SLC26A7: variants seen among roughly 807,000 people sequenced by gnomAD.
The protein encoded by SLC26A7 is anion exchange transporter.
In SLC26A7, 59 loss-of-function variants were observed where a neutral mutation model predicts 82.5. The observed-to-expected ratio is 0.72, with a 90% CI of 0.58 to 0.89. SLC26A7 has a LOEUF of 0.89. SLC26A7 is among the 40% of genes least tolerant of loss of function. SLC26A7 has a pLI of 0.00. For missense variants in SLC26A7, 820 were observed against 793.0 expected (o/e 1.03, Z -0.41); for synonymous variants, 271 against 274.3 (o/e 0.99, Z 0.12).
At chr8:91,212,729 C>T (rs887581333) in intron 1 of SLC26A7, among the ~76,000 whole-genome samples, 8 of 151,942 alleles carry the variant, frequency 5.3e-5, no homozygotes, top group African/African-American at 1.4e-4. Flanking sequence ...ACATTTATGC[C>T]GTGGTTAGTC....
In SLC26A7 at chr8:91,397,057, A is replaced by T. The variant is rs1410538680; in HGVS notation, c.*1960A>T. ...TTTTTATAGTTTGTTGATAAAGTGG[A>T]CACAGTATTGTCTGAGCAGTTATAT... is the stretch of plus-strand genomic sequence containing the variant. On this transcript the variant is annotated 3_prime_UTR_variant, in exon 19 of 19. Transcript: ENST00000276609. The T allele has an allele frequency of 6.6e-6, 1 of 152,092 alleles. No homozygotes were observed. The highest frequency in any genetic ancestry group is 1.5e-5 in the Non-Finnish European group (1 of 67,932). The allele number at this position is 152,092 out of a possible 1,614,324, so 9.4% of individuals were successfully genotyped here.
chr8:91,240,478 A>G (rs1810458863), intron 2 of SLC26A7, among the ~76,000 whole-genome samples: 1 of 152,180 alleles, frequency 6.6e-6, no homozygotes, highest in South Asian at 2.1e-4. Flanking sequence ...AAAATTTTGC[A>G]TTTTCAACAA....
chr8:91,390,592 G>C (rs1290064550), intron 16 of SLC26A7, among the ~76,000 whole-genome samples: 1 of 151,982 alleles, frequency 6.6e-6, no homozygotes, highest in African/African-American at 2.4e-5. Context: ...CTCATCTTCA[G>C]GTGTTTACTT....
chr8:91,271,250 C>T (rs1054588558), intron 2 of SLC26A7, among the ~76,000 whole-genome samples: 1 of 152,068 alleles, frequency 6.6e-6, no homozygotes, highest in Non-Finnish European at 1.5e-5. Context: ...TTTTATAGCA[C>T]TAAATAATTT....
chr8:91,266,068 G>C (rs1033511118), intron 2 of SLC26A7, among the ~76,000 whole-genome samples: 4 of 151,678 alleles, frequency 2.6e-5, no homozygotes, highest in Non-Finnish European at 1.5e-5. Context: ...ACGTAGTTTT[G>C]GGTATTACAT....
intron 5 of SLC26A7, among the ~76,000 whole-genome samples, chr8:91,327,649 G>A (rs1812969299): frequency 6.6e-6 from 1 of 152,064 alleles, no homozygotes; most frequent in South Asian, 2.1e-4. Flanking sequence ...ATAATTTATT[G>A]GGAATTAAGA....
At chr8:91,350,439 G>GA (rs34775851) in intron 9 of SLC26A7, among the ~76,000 whole-genome samples, 10 of 148,394 alleles carry the variant, frequency 6.7e-5, no homozygotes, top group South Asian at 4.3e-4. Context: ...CACTTTTTTT[G>GA]AAAAAAAAAT....
At chr8:91,352,782 G>A (rs937916536) in intron 10 of SLC26A7, 119 bp from the exon 11 acceptor site, 32 of 654,154 alleles carry the variant, frequency 4.9e-5, no homozygotes, top group East Asian at 2.6e-4. Context: ...TCTTCTAATC[G>A]GTGATTGCTT....
intron 11 of SLC26A7, among the ~76,000 whole-genome samples, chr8:91,358,820 C>G (rs909090531): frequency 3.3e-5 from 5 of 152,102 alleles, no homozygotes; most frequent in Non-Finnish European, 7.3e-5. Context: ...TCGCAGCAAA[C>G]TATCACAAGG....
chr8:91,269,433 C>A (rs1325505909), intron 2 of SLC26A7, among the ~76,000 whole-genome samples: 2 of 151,968 alleles, frequency 1.3e-5, no homozygotes, highest in Non-Finnish European at 2.9e-5. Flanking sequence ...TCCCTTAGCA[C>A]TTTGAATATA....
chr8:91,313,199 C>T (rs1383506521), intron 4 of SLC26A7, among the ~76,000 whole-genome samples: 1 of 152,068 alleles, frequency 6.6e-6, no homozygotes. Context: ...CATTCATTTG[C>T]TTGTGGATAT....
chr8:91,338,019 CTG>C (rs1813292630), intron 6 of SLC26A7, 129 bp from the exon 7 acceptor site: 4 of 485,584 alleles, frequency 8.2e-6, no homozygotes, highest in Admixed American at 4.2e-5. Flanking sequence ...TTTTGAAAGT[CTG>C]TGCAACTGCT....
chr8:91,339,039 A>G (rs1282303691), intron 7 of SLC26A7, among the ~76,000 whole-genome samples: 1 of 152,224 alleles, frequency 6.6e-6, no homozygotes, highest in Admixed American at 6.5e-5. Flanking sequence ...TCTTTAGCAC[A>G]TATAGATATA....
rs759849627 is a variant in SLC26A7 at position 91,351,873 on chromosome 8, T to C, written c.1204T>C (p.Tyr402His). The C allele has an allele frequency of 6.2e-7, 1 of 1,610,650 alleles. No homozygotes were observed. The highest frequency in any genetic ancestry group is 1.1e-5 in the South Asian group (1 of 91,000). Residue 402 changes from tyrosine to histidine, a missense_variant, in exon 10 of 19, where the codon TAC (tyrosine) becomes CAC (histidine). Transcript: ENST00000276609. ...IVIYAIGPLL[Y>H]WLPMCVLASI... Reference sequence around the variant, plus strand: ...CATCTATGCAATAGGACCTTTGCTTTACTGGCTGCCCATGGTACGGTAGTG... The same window carrying C: ...CATCTATGCAATAGGACCTTTGCTTCACTGGCTGCCCATGGTACGGTAGTG...
At chr8:91,218,359 AT>A (rs370578481) in intron 1 of SLC26A7, among the ~76,000 whole-genome samples, 1 of 11,540 alleles carries the variant, frequency 8.7e-5, no homozygotes, top group African/African-American at 2.6e-3. Context: ...TGTACAAATT[AT>A]TTTGAAGTAC....
intron 2 of SLC26A7, among the ~76,000 whole-genome samples, chr8:91,283,145 A>G (rs186090366): frequency 2.6e-5 from 4 of 152,300 alleles, no homozygotes; most frequent in Admixed American, 2.6e-4. Context: ...ATCTGACTCA[A>G]GATTTTTATC....
At chr8:91,212,341 A>ATTT (rs1809944492) in intron 1 of SLC26A7, among the ~76,000 whole-genome samples, 1 of 152,080 alleles carries the variant, frequency 6.6e-6, no homozygotes, top group Admixed American at 6.6e-5. Flanking sequence ...TGAACTTAAC[A>ATTT]TTTCCCCAGA....
chr8:91,285,644 T>C (rs557711193), intron 2 of SLC26A7, among the ~76,000 whole-genome samples: 141 of 152,378 alleles, frequency 9.3e-4, no homozygotes, highest in African/African-American at 3.2e-3. Context: ...TAAATTCTAC[T>C]GTAATAGCTG....
At chr8:91,234,354 T>C (rs1274447569) in intron 2 of SLC26A7, among the ~76,000 whole-genome samples, 1 of 152,200 alleles carries the variant, frequency 6.6e-6, no homozygotes, top group Non-Finnish European at 1.5e-5. Context: ...CATTAATTAG[T>C]GTGTGCATTA....
Sources: gnomAD v4.1 joint callset for allele counts (sites outside exome capture counted in the v4.1 genomes callset) on GRCh38, gnomAD v4.1.1 for gene constraint, MANE v1.5 for transcripts, NCBI Gene and HGNC (gene_info 2026-07-23, HGNC 2026-07-21) for gene names.